Variants in CHPF observed in about 807,000 individuals in gnomAD.
The protein encoded by CHPF is chondroitin polymerizing factor.
CHPF carries 34 observed loss-of-function variants against 55.1 expected under a neutral mutation model. The ratio of observed to expected loss-of-function variants is 0.62; its 90% CI spans 0.47 to 0.82. The LOEUF is 0.82. Among genes scored for constraint, CHPF ranks in the 40% least tolerant of loss-of-function variants. CHPF has a pLI of 0.00. For missense variants in CHPF, 961 were observed against 1,106.1 expected, an observed-to-expected ratio of 0.87 and a Z score of 1.86; for synonymous variants, 489 against 496.6, an observed-to-expected ratio of 0.98 and a Z score of 0.20.
At position 219,539,341 on chromosome 2, in the gene CHPF, G is replaced by A. The variant is rs1440351726; in HGVS notation, c.*42C>T. 6.5e-7 allele frequency: 1 copy of A among 1,537,296 alleles called. No homozygotes were observed. Among genetic ancestry groups the A allele is most frequent in the Non-Finnish European group, 8.8e-7 (1 of 1,137,624 alleles). ...GCTCTGGTTTTGGGGGAGAAGTGGG[G>A]TGGGGTGTGGCCATGCCACGGCCCA... is the stretch of plus-strand genomic sequence containing the variant. On this transcript the variant is annotated 3_prime_UTR_variant, in exon 4 of 4. Transcript: ENST00000243776.
intron 1 of CHPF, chr2:219,542,972 T>C (rs1574501933): frequency 2.3e-6 from 3 of 1,288,524 alleles, no homozygotes; most frequent in East Asian, 3.2e-5. Flanking sequence ...GTAGGATCTC[T>C]GGGGCGCCAT....
In CHPF at chr2:219,540,415, C is replaced by T. The variant is rs1283784098; in HGVS notation, c.1296G>A (p.Glu432=). 3 of 1,613,130 alleles carry T rather than the reference C, an allele frequency of 1.9e-6. No individual in the cohort carries two copies. The Admixed American group carries it at 5.0e-5, about 27-fold the overall frequency. The change falls in exon 4 of 4, where the codon GAG becomes GAA. Residue 432 remains glutamate (E), a synonymous_variant. Transcript: ENST00000243776. Reference sequence around the variant, plus strand: ...AGGCCGGGTGGTAGCGGCGGTTCAGCTCCTCTAGAGCTGTCCCCAGAACAT... The same window carrying T: ...AGGCCGGGTGGTAGCGGCGGTTCAGTTCCTCTAGAGCTGTCCCCAGAACAT... ...VADVLGTALE[E]LNRRYHPALR... is the part of the protein sequence containing the mutation.
At chr2:219,542,770 C>T (rs897420816) in intron 1 of CHPF, 3 of 322,316 alleles carry the variant, frequency 9.3e-6, no homozygotes, top group African/African-American at 4.5e-5. Flanking sequence ...TATTTCAACT[C>T]ATCAGCAGAG....
rs745870642 is a variant in CHPF, at chr2:219,543,216, G to C, written c.314+9C>G. 4.6e-6 allele frequency: 7 copies of C among 1,525,730 alleles called. No individual in the cohort carries two copies. Among genetic ancestry groups the C allele is most frequent in the Non-Finnish European group, 6.1e-6 (7 of 1,147,870 alleles). The allele number at this position is 1,525,730 out of a possible 1,614,324, so 94.5% of individuals were successfully genotyped here. A position where few individuals can be genotyped will look rare whatever the true frequency, so the allele number is the denominator to read the frequency against. Reference sequence around the variant, plus strand: ...CCCAGGGGGTAGAGCGGGCGCAGCCGATCACTACCTGACGGCCTTTTTGGC... The same window carrying C: ...CCCAGGGGGTAGAGCGGGCGCAGCCCATCACTACCTGACGGCCTTTTTGGC... On this transcript the variant is annotated intron_variant, in intron 1 of 3. Transcript: ENST00000243776.
Position 219,541,799 on chromosome 2 carries a change from T to C in CHPF, c.705A>G (p.Gly235=). The change falls in exon 2 of 4, where the codon GGA becomes GGG. Residue 235 remains glycine (G), a synonymous_variant. Transcript: ENST00000243776. ...YLGRPQDFIG[G]EPTPGRYCHG... ...GGCAGTAGCGGCCGGGGGTGGGCTC[T>C]CCGCCGATGAAGTCCTGGGGCCGGC... 6.2e-7 allele frequency: 1 copy of C among 1,606,366 alleles called. No homozygotes were observed.
In CHPF at chr2:219,541,987, G is replaced by C; in HGVS notation, c.517C>G (p.Pro173Ala). 6.2e-7 allele frequency: 1 copy of C among 1,608,532 alleles called. No homozygotes were observed. The highest frequency in any genetic ancestry group is 8.5e-7 in the Non-Finnish European group (1 of 1,177,896). Residue 173 changes from proline (P) to alanine (A), a missense_variant, in exon 2 of 4, where the codon CCC becomes GCC. By Grantham distance (27) the Pro-to-Ala change is conservative. Around this residue, in one of 3 missense-constraint regions of CHPF, gnomAD observed 936 missense variants for 1,058.4 expected, o/e 0.88. Transcript: ENST00000243776. ...AGCGCCAGGTGCAGGTGTCCAATGGGTCGCTCCTCGCCTAGCGTCACCACT... is the reference window on the plus strand; with the variant it reads ...AGCGCCAGGTGCAGGTGTCCAATGGCTCGCTCCTCGCCTAGCGTCACCACT... Reference protein sequence around the residue: ...MAVVTLGEERPIGHLHLALRH... With the variant: ...MAVVTLGEERAIGHLHLALRH...
chr2:219,540,648 T>G lies in CHPF; in HGVS notation c.1069-6A>C. 6.3e-7 allele frequency: 1 copy of G among 1,584,698 alleles called. No individual in the cohort carries two copies. The highest frequency in any genetic ancestry group is 8.6e-7 in the Non-Finnish European group (1 of 1,166,326). On this transcript the variant is annotated splice_polypyrimidine_tract_variant and splice_region_variant and intron_variant, in intron 3 of 3. Coordinates refer to ENST00000243776, the MANE Select transcript of CHPF (RefSeq NM_024536.6). ...CTGGTATTCTGGATCTCCCACTGGA[T>G]CAGAGAAACAGGCCATCAGCAAGGG... is the stretch of plus-strand genomic sequence containing the variant.
rs1030067508 is a variant in CHPF, at chr2:219,539,255, G to A, written c.*128C>T. On this transcript the variant is annotated 3_prime_UTR_variant, in exon 4 of 4. Transcript: ENST00000243776. ...CAGGGACCCACAGAGCCAGAGAGGG[G>A]ACCAGTGGGCCAGCTTGGGGTCTGG... 2 of 886,900 alleles carry A rather than the reference G, an allele frequency of 2.3e-6. No homozygotes were observed. The highest frequency in any genetic ancestry group is 1.7e-5 in the African/African-American group (1 of 59,694). The allele number at this position is 886,900 out of a possible 1,614,324, so 54.9% of individuals were successfully genotyped here.
chr2:219,541,965 G>A lies in CHPF; in HGVS notation c.539C>T (p.Ala180Val), dbSNP rs1243192653. The change falls in exon 2 of 4, where the codon GCG (alanine) becomes GTG (valine). Residue 180 changes from alanine (A) to valine (V), a missense_variant. Transcript: ENST00000243776. ...GTGCTGCTCCAGCAGGTGGCGCAGC[G>A]CCAGGTGCAGGTGTCCAATGGGTCG... ...EERPIGHLHL[A>V]LRHLLEQHGD... 1 of 1,611,248 alleles carries A rather than the reference G, an allele frequency of 6.2e-7. No individual in the cohort carries two copies. Among genetic ancestry groups the A allele is most frequent in the East Asian group, 2.2e-5 (1 of 44,676 alleles).
chr2:219,539,333 G>C lies in CHPF; in HGVS notation c.*50C>G. ...GGCAGGTGGCTCTGGTTTTGGGGGA[G>C]AAGTGGGGTGGGGTGTGGCCATGCC... On this transcript the variant is annotated 3_prime_UTR_variant, in exon 4 of 4. Transcript: ENST00000243776. 6.6e-7 allele frequency: 1 copy of C among 1,518,088 alleles called. No homozygotes were observed. The highest frequency in any genetic ancestry group is 1.3e-5 in the South Asian group (1 of 79,048). The allele number at this position is 1,518,088 out of a possible 1,614,324, so 94.0% of individuals were successfully genotyped here. A position where few individuals can be genotyped will look rare whatever the true frequency, so the allele number is the denominator to read the frequency against.
chr2:219,543,159 G>T, intron 1 of CHPF, 66 bp downstream of exon 1: 1 of 1,372,160 alleles, frequency 7.3e-7, no homozygotes, highest in East Asian at 3.0e-5. Context: ...ACCCGGGCCC[G>T]GGCGACCTCC....
chr2:219,541,141 G>A lies in CHPF; in HGVS notation c.889-16C>T. 1 of 1,572,066 alleles carries A rather than the reference G, an allele frequency of 6.4e-7. No individual in the cohort carries two copies. Among genetic ancestry groups the A allele is most frequent in the Non-Finnish European group, 8.6e-7 (1 of 1,161,080 alleles). ...AGTGCACCCCCTGGGGAGAGGAAGG[G>A]AAGGGATCTGTGATGAGCTGGCATT... On this transcript the variant is annotated splice_polypyrimidine_tract_variant and intron_variant, in intron 2 of 3. Transcript: ENST00000243776.
Position 219,540,974 on chromosome 2 carries a change from C to A in CHPF, c.1040G>T (p.Arg347Leu), listed in dbSNP as rs776863694. Residue 347 changes from arginine (R) to leucine (L), a missense_variant, in exon 3 of 4, where the codon CGC (arginine) becomes CTC (leucine). Arg to Leu is a moderately radical substitution (Grantham distance 102, BLOSUM62 -2). Around this residue, in one of 3 missense-constraint regions of CHPF, gnomAD observed 936 missense variants for 1,058.4 expected, o/e 0.88. Transcript: ENST00000243776. Reference protein sequence around the residue: ...HKAFARAELERTYQEIQELQW... With the variant: ...HKAFARAELELTYQEIQELQW... ...TAACTCCTGGATCTCCTGGTACGTGCGTTCCAGTTCAGCTCGGGCGAAAGC... is the reference window on the plus strand; with the variant it reads ...TAACTCCTGGATCTCCTGGTACGTGAGTTCCAGTTCAGCTCGGGCGAAAGC... 2 of 1,613,884 alleles carry A rather than the reference C, an allele frequency of 1.2e-6. No individual in the cohort carries two copies. The highest frequency in any genetic ancestry group is 2.7e-5 in the African/African-American group (2 of 74,920).
Position 219,543,310 on chromosome 2 carries a change from C to T in CHPF, c.229G>A (p.Gly77Ser), listed in dbSNP as rs781193489. The part of the protein sequence containing the change: ...PGAEREKPGA[G>S]EGAGENWEPR... ...TCCCAATTCTCCCCGGCGCCTTCGC[C>T]GGCCCCGGGCTTCTCGCGCTCCGCT... is the stretch of plus-strand genomic sequence containing the variant. Residue 77 changes from glycine to serine, a missense_variant, in exon 1 of 4, where the codon GGC becomes AGC. By Grantham distance (56) the Gly-to-Ser change is moderately conservative. Coordinates refer to ENST00000243776, the MANE Select transcript of CHPF (RefSeq NM_024536.6). 1 of 1,572,122 alleles carries T rather than the reference C, an allele frequency of 6.4e-7. No homozygotes were observed. The highest frequency in any genetic ancestry group is 2.4e-5 in the East Asian group (1 of 41,570).
Position 219,541,067 on chromosome 2 carries a change from G to A in CHPF, c.947C>T (p.Pro316Leu), listed in dbSNP as rs746091003. 23 of 1,613,494 alleles carry A rather than the reference G, an allele frequency of 1.4e-5. No homozygotes were observed. Among genetic ancestry groups the A allele is most frequent in the Non-Finnish European group, 1.9e-5 (23 of 1,179,786 alleles). Residue 316 changes from proline to leucine, a missense_variant, in exon 3 of 4, where the codon CCT becomes CTT. Coordinates refer to ENST00000243776, the MANE Select transcript of CHPF (RefSeq NM_024536.6). ...SPGEPVQEGD[P>L]HFRSALTAHP... ...GGCTGTCAGGGCACTTCGGAAATGA[G>A]GGTCCCCCTCCTGCACTGGCTCCCC... is the stretch of plus-strand genomic sequence containing the variant.
intron 1 of CHPF, 63 bp downstream of exon 1, chr2:219,543,162 C>A: frequency 7.3e-7 from 1 of 1,371,956 alleles, no homozygotes; most frequent in Non-Finnish European, 9.4e-7. Context: ...CGGGCCCGGG[C>A]GACCTCCCCG....
At position 219,541,834 on chromosome 2, in the gene CHPF, G is replaced by C. The variant is rs1456871374; in HGVS notation, c.670C>G (p.Leu224Val). The C allele has an allele frequency of 6.2e-7, 1 of 1,609,424 alleles. No homozygotes were observed. Among genetic ancestry groups the C allele is most frequent in the East Asian group, 2.2e-5 (1 of 44,640 alleles). ...AAGTCCTGGGGCCGGCCCAGGTACA[G>C]GTGGGCGGCGGAGGCCAGGCTGAGG... ...GHLSLASAAH[L>V]YLGRPQDFIG... Residue 224 changes from leucine to valine, a missense_variant, in exon 2 of 4, where the codon CTG (leucine) becomes GTG (valine). This residue lies in a region of CHPF where 936 missense variants were observed against 1,058.4 expected (regional missense o/e 0.88). Coordinates refer to ENST00000243776, the MANE Select transcript of CHPF (RefSeq NM_024536.6).
chr2:219,543,745 C>T lies in CHPF; in HGVS notation c.-207G>A. 1 of 457,446 alleles carries T rather than the reference C, an allele frequency of 2.2e-6. No individual in the cohort carries two copies. The highest frequency in any genetic ancestry group is 3.8e-6 in the Non-Finnish European group (1 of 262,300). The allele number at this position is 457,446 out of a possible 1,614,324, so 28.3% of individuals were successfully genotyped here. A position where few individuals can be genotyped will look rare whatever the true frequency, so the allele number is the denominator to read the frequency against. On this transcript the variant is annotated 5_prime_UTR_variant, in exon 1 of 4. Coordinates refer to ENST00000243776, the MANE Select transcript of CHPF (RefSeq NM_024536.6). ...CCCCTCCAGCAGCTGCTCTGGGCTG[C>T]GCAGGGTTCTTGCGCTCGGCACTGG...
At position 219,541,676 on chromosome 2, in the gene CHPF, G is replaced by C; in HGVS notation, c.828C>G (p.Asp276Glu). ...CRNDIVSARPDEWLGRCILDA... is the reference protein window; with the variant it reads ...CRNDIVSARPEEWLGRCILDA... Reference sequence around the variant, plus strand: ...CGAGAATGCAGCGACCCAGCCACTCGTCAGGGCGCGCACTGACGATGTCGT... The same window carrying C: ...CGAGAATGCAGCGACCCAGCCACTCCTCAGGGCGCGCACTGACGATGTCGT... Residue 276 changes from aspartate to glutamate, a missense_variant, in exon 2 of 4, where the codon GAC becomes GAG. Asp to Glu is a conservative substitution (Grantham distance 45). This residue lies in a region of CHPF where 936 missense variants were observed against 1,058.4 expected (regional missense o/e 0.88). Coordinates refer to ENST00000243776, the MANE Select transcript of CHPF (RefSeq NM_024536.6). 1 of 1,608,692 alleles carries C rather than the reference G, an allele frequency of 6.2e-7. No individual in the cohort carries two copies. Among genetic ancestry groups the C allele is most frequent in the East Asian group, 2.2e-5 (1 of 44,722 alleles).
Sources: gnomAD v4.1 joint callset for allele counts on GRCh38, gnomAD v4.1.1 for gene constraint, gnomAD v4.1.1 regional missense constraint, MANE v1.5 for transcripts, NCBI Gene and HGNC (gene_info 2026-07-23, HGNC 2026-07-21) for gene names.